The following HECW1 variants were observed in gnomAD, a reference collection of about 807,000 sequenced individuals.
The protein encoded by HECW1 is HECT, C2 and WW domain containing E3 ubiquitin protein ligase 1, also known as E3 ubiquitin-protein ligase HECW1.
HECW1 carries 61 observed loss-of-function variants against 182.3 expected under a neutral mutation model. The ratio of observed to expected loss-of-function variants is 0.33; its 90% CI spans 0.27 to 0.41. The LOEUF (loss-of-function observed/expected upper bound fraction) is 0.41, where lower values mean the gene tolerates loss of function less well. HECW1 is among the 10% of genes least tolerant of loss of function. The pLI is 1.00. For missense variants in HECW1, 1,739 were observed against 2,108.9 expected (o/e 0.82, Z 3.44); for synonymous variants, 859 against 832.6 (o/e 1.03, Z -0.55).
chr7:43,355,644 A>T (rs938221799), intron 5 of HECW1, among the ~76,000 whole-genome samples: 1 of 152,174 alleles, frequency 6.6e-6, no homozygotes, highest in South Asian at 2.1e-4. Context: ...CAGAGAAAAT[A>T]ACTTAACCAC....
intron 19 of HECW1, among the ~76,000 whole-genome samples, chr7:43,496,962 C>T (rs1385837063): frequency 6.6e-6 from 1 of 152,074 alleles, no homozygotes; most frequent in Non-Finnish European, 1.5e-5. Flanking sequence ...TGTAAATTCT[C>T]AATGAATTTA....
At chr7:43,192,205 C>T (rs1238543940) in intron 2 of HECW1, among the ~76,000 whole-genome samples, 4 of 152,124 alleles carry the variant, frequency 2.6e-5, no homozygotes, top group East Asian at 1.9e-4. Context: ...GTGATCCACC[C>T]GCCTTGGCTT....
chr7:43,291,073 C>T (rs113760337), intron 3 of HECW1, among the ~76,000 whole-genome samples: 16 of 152,334 alleles, frequency 1.1e-4, no homozygotes, highest in Admixed American at 3.3e-4. Context: ...TTCTCCTCCA[C>T]GCTGTTATAT....
In HECW1 at chr7:43,509,111, C is replaced by T. The variant is rs1164748482; in HGVS notation, c.4009C>T (p.His1337Tyr). 3 of 1,613,774 alleles carry T rather than the reference C, an allele frequency of 1.9e-6. No individual in the cohort carries two copies. Among genetic ancestry groups the T allele is most frequent in the Non-Finnish European group, 8.5e-7 (1 of 1,179,906 alleles). Residue 1337 changes from histidine (H) to tyrosine (Y), a missense_variant, in exon 24 of 30, where the codon CAT (histidine) becomes TAT (tyrosine). His to Tyr is a moderately conservative substitution (Grantham distance 83). Coordinates refer to ENST00000395891, the MANE Select transcript of HECW1 (RefSeq NM_015052.5). ...ISPMSAFVEN[H>Y]LEWFRFSGRI... Reference sequence around the variant, plus strand: ...CCCCATGTCCGCATTTGTAGAAAACCATCTTGAGTGGTAAGCTCTATAATG... The same window carrying T: ...CCCCATGTCCGCATTTGTAGAAAACTATCTTGAGTGGTAAGCTCTATAATG...
At chr7:43,158,680 C>T (rs780941922) in intron 2 of HECW1, among the ~76,000 whole-genome samples, 1 of 152,202 alleles carries the variant, frequency 6.6e-6, no homozygotes, top group African/African-American at 2.4e-5. Context: ...ATCCCCTCCC[C>T]CTTTCCATCT....
chr7:43,278,166 G>A (rs950212090), intron 3 of HECW1, among the ~76,000 whole-genome samples: 15 of 151,898 alleles, frequency 9.9e-5, no homozygotes, highest in African/African-American at 3.6e-4. Context: ...TCTTCAACTG[G>A]GATGTCTTAT....
intron 5 of HECW1, among the ~76,000 whole-genome samples, chr7:43,327,760 T>C (rs1435286177): frequency 6.6e-6 from 1 of 152,160 alleles, no homozygotes; most frequent in East Asian, 1.9e-4. Flanking sequence ...TTGGAAATAT[T>C]CATACAGTGA....
intron 8 of HECW1, among the ~76,000 whole-genome samples, chr7:43,422,384 G>C (rs1433320878): frequency 1.2e-5 from 1 of 84,884 alleles, no homozygotes; most frequent in South Asian, 4.0e-4. Flanking sequence ...TTTTTTTTTT[G>C]AGGAGTCTCG....
At chr7:43,400,105 A>G (rs1359753546) in intron 7 of HECW1, among the ~76,000 whole-genome samples, 1 of 152,116 alleles carries the variant, frequency 6.6e-6, no homozygotes, top group Non-Finnish European at 1.5e-5. Flanking sequence ...CCATGGTGGC[A>G]TGTACCTATA....
intron 5 of HECW1, among the ~76,000 whole-genome samples, chr7:43,335,167 C>T (rs1811963408): frequency 6.6e-6 from 1 of 152,170 alleles, no homozygotes; most frequent in Non-Finnish European, 1.5e-5. Context: ...AGTTCAGGAA[C>T]ATGCAGAAAA....
rs138965696 is a variant in HECW1, at chr7:43,178,833, C to T, written c.-32+64442C>T. ...AGCCCACTTGGACCTTCAAGGCTTA[C>T]AAAGATCCTTTCATTGTAGATTCTT... On this transcript the variant is annotated intron_variant, in intron 2 of 29. Transcript: ENST00000395891. Among the ~76,000 whole-genome samples, 637 of 152,324 alleles carry T rather than the reference C, an allele frequency of 4.2e-3. 3 individuals are homozygous for T. The highest frequency in any genetic ancestry group is 0.015 in the African/African-American group (606 of 41,578).
chr7:43,309,550 A>G (rs1179123287), intron 3 of HECW1, among the ~76,000 whole-genome samples: 1 of 152,186 alleles, frequency 6.6e-6, no homozygotes, highest in East Asian at 1.9e-4. Flanking sequence ...AAGACCCTAC[A>G]ATCCTTTTGA....
chr7:43,302,865 C>G (rs1405500459), intron 3 of HECW1, among the ~76,000 whole-genome samples: 1 of 152,180 alleles, frequency 6.6e-6, no homozygotes, highest in Non-Finnish European at 1.5e-5. Flanking sequence ...AAATGGGTCT[C>G]TTTCTCACAT....
At chr7:43,323,626 C>T (rs372647486) in intron 5 of HECW1, among the ~76,000 whole-genome samples, 20 of 152,124 alleles carry the variant, frequency 1.3e-4, no homozygotes, top group African/African-American at 2.2e-4. Flanking sequence ...ACAACAACAA[C>T]GACAAAAATA....
intron 5 of HECW1, among the ~76,000 whole-genome samples, chr7:43,352,736 T>C (rs933130437): frequency 2.0e-5 from 3 of 152,220 alleles, no homozygotes; most frequent in African/African-American, 7.2e-5. Flanking sequence ...CTAATAATGA[T>C]TGGCTATACA....
chr7:43,296,035 A>G (rs1397101575), intron 3 of HECW1, among the ~76,000 whole-genome samples: 2 of 152,250 alleles, frequency 1.3e-5, no homozygotes, highest in Non-Finnish European at 2.9e-5. Flanking sequence ...AGTTACAAAA[A>G]TAGAATTACC....
At chr7:43,556,478 A>G (rs117691007) in intron 29 of HECW1, among the ~76,000 whole-genome samples, 4,004 of 152,282 alleles carry the variant, frequency 0.026, 73 homozygotes, top group South Asian at 0.064. Context: ...CTTGCGCCCA[A>G]GAGTTCAAGA....
intron 2 of HECW1, among the ~76,000 whole-genome samples, chr7:43,137,919 C>G (rs1787738529): frequency 6.6e-6 from 1 of 151,352 alleles, no homozygotes; most frequent in Non-Finnish European, 1.5e-5. Context: ...ATCCAGATGT[C>G]ATATTATTCT....
intron 2 of HECW1, among the ~76,000 whole-genome samples, chr7:43,148,989 T>A (rs1300657688): frequency 6.6e-6 from 1 of 152,016 alleles, no homozygotes; most frequent in Non-Finnish European, 1.5e-5. Flanking sequence ...TACAGAAGAA[T>A]TCCAATTGAT....
Sources: gnomAD v4.1 joint callset for allele counts (sites outside exome capture counted in the v4.1 genomes callset) on GRCh38, gnomAD v4.1.1 for gene constraint, MANE v1.5 for transcripts, NCBI Gene and HGNC (gene_info 2026-07-23, HGNC 2026-07-21) for gene names.